The following TRARG1 variants were observed in gnomAD, a reference collection of about 807,000 sequenced individuals.
The protein encoded by TRARG1 is trafficking regulator of GLUT4 (SLC2A4) 1 (gene/pseudogene), also known as trafficking regulator of GLUT4 1.
A neutral mutation model predicts 13.3 loss-of-function variants in TRARG1; 16 were observed. The observed-to-expected ratio is 1.20, with a 90% CI of 0.81 to 1.83. The LOEUF (loss-of-function observed/expected upper bound fraction) is 1.83, where lower values mean the gene tolerates loss of function less well. Among genes scored for constraint, TRARG1 ranks in the 40% most tolerant of loss-of-function variants. The pLI, the probability that TRARG1 is intolerant of heterozygous loss-of-function variation, is 0.00. For synonymous variants in TRARG1, 113 were observed against 106.2 expected, an observed-to-expected ratio of 1.06 and a Z score of -0.39; for missense variants, 250 against 237.4, an observed-to-expected ratio of 1.05 and a Z score of -0.35.
Position 1,279,759 on chromosome 17 carries a change from G to T in TRARG1, c.-243G>T, listed in dbSNP as rs1269429573. 2.1e-6 allele frequency: 1 copy of T among 480,736 alleles called. No individual in the cohort carries two copies. The highest frequency in any genetic ancestry group is 3.7e-6 in the Non-Finnish European group (1 of 272,664). The allele number at this position is 480,736 out of a possible 1,614,324, so 29.8% of individuals were successfully genotyped here. A position where few individuals can be genotyped will look rare whatever the true frequency, so the allele number is the denominator to read the frequency against. On this transcript the variant is annotated 5_prime_UTR_variant, in exon 1 of 3. Coordinates refer to ENST00000333813, the MANE Select transcript of TRARG1 (RefSeq NM_172367.3). ...GTTGGCCTCAAACTTGAACAAAGCT[G>T]CAGGCTCCAGCGTCTTTCTGGGAGC...
intron 1 of TRARG1, among the ~76,000 whole-genome samples, chr17:1,287,462 G>A (rs991337271): frequency 2.6e-5 from 4 of 151,694 alleles, no homozygotes; most frequent in East Asian, 1.9e-4. Flanking sequence ...CCAGGTTCAC[G>A]CCATTCTCCT....
chr17:1,298,419 C>T lies in TRARG1; in HGVS notation c.*155C>T. 1 of 734,618 alleles carries T rather than the reference C, an allele frequency of 1.4e-6. No homozygotes were observed. The highest frequency in any genetic ancestry group is 2.2e-6 in the Non-Finnish European group (1 of 458,838). 45.5% of individuals were successfully genotyped at this position (734,618 alleles called of 1,614,324 possible). Reference sequence around the variant, plus strand: ...CAAAGGGAAACCCCCCAGTCACCCACTGTCAGCCCCCATCTGACAAGAAAG... The same window carrying T: ...CAAAGGGAAACCCCCCAGTCACCCATTGTCAGCCCCCATCTGACAAGAAAG... On this transcript the variant is annotated 3_prime_UTR_variant, in exon 3 of 3. Coordinates refer to ENST00000333813, the MANE Select transcript of TRARG1 (RefSeq NM_172367.3).
At chr17:1,288,309 G>A (rs1474194327) in intron 1 of TRARG1, among the ~76,000 whole-genome samples, 5 of 62,264 alleles carry the variant, frequency 8.0e-5, no homozygotes, top group East Asian at 5.4e-4. Context: ...CATCCCCCAC[G>A]GGTTCCCCAT....
rs2072145673 is a variant in TRARG1 at position 1,300,317 on chromosome 17, C to A, written c.*2053C>A. On this transcript the variant is annotated 3_prime_UTR_variant, in exon 3 of 3. Transcript: ENST00000333813. ...CAGCCTCAGCAACCCAGGGAGAGGA[C>A]AGAAACGAACCGATGGTTGAGGGAT... is the stretch of plus-strand genomic sequence containing the variant. The A allele has an allele frequency of 6.6e-6, 1 of 152,152 alleles. No homozygotes were observed. Among genetic ancestry groups the A allele is most frequent in the African/African-American group, 2.4e-5 (1 of 41,418 alleles). 9.4% of individuals were successfully genotyped at this position (152,152 alleles called of 1,614,324 possible). A position where few individuals can be genotyped will look rare whatever the true frequency, so the allele number is the denominator to read the frequency against.
chr17:1,284,122 A>AAAG (rs2072003948), intron 1 of TRARG1, among the ~76,000 whole-genome samples: 4 of 149,506 alleles, frequency 2.7e-5, no homozygotes, highest in Non-Finnish European at 3.0e-5. Context: ...CTCAAAAAAA[A>AAAG]AAAGAAAGAA....
chr17:1,295,879 G>A (rs1196998740), intron 2 of TRARG1, among the ~76,000 whole-genome samples: 4 of 152,336 alleles, frequency 2.6e-5, no homozygotes, highest in East Asian at 1.9e-4. Flanking sequence ...GCACAGCCTC[G>A]GAGTCAGAGG....
chr17:1,279,897 C>T lies in TRARG1; in HGVS notation c.-105C>T. On this transcript the variant is annotated 5_prime_UTR_variant, in exon 1 of 3. Transcript: ENST00000333813. ...CCGTCTCCTGAGGGACGCCCCTGCC[C>T]CCGACCTGGAGGCCCTCAGTCTGGG... 3 of 1,387,346 alleles carry T rather than the reference C, an allele frequency of 2.2e-6. No individual in the cohort carries two copies. The highest frequency in any genetic ancestry group is 1.9e-6 in the Non-Finnish European group (2 of 1,032,822). 85.9% of individuals were successfully genotyped at this position (1,387,346 alleles called of 1,614,324 possible).
intron 1 of TRARG1, among the ~76,000 whole-genome samples, chr17:1,294,218 G>A (rs1023220877): frequency 2.0e-5 from 3 of 151,950 alleles, no homozygotes; most frequent in South Asian, 2.1e-4. Context: ...AAGTCATCCC[G>A]GGACCCTCCT....
chr17:1,289,745 G>A (rs1369302416), intron 1 of TRARG1, among the ~76,000 whole-genome samples: 2 of 151,722 alleles, frequency 1.3e-5, no homozygotes, highest in Non-Finnish European at 2.9e-5. Flanking sequence ...GGCCTCAATT[G>A]CATCCCCGTG....
In TRARG1 at chr17:1,295,530, C is replaced by T. The variant is rs1411811214; in HGVS notation, c.427C>T (p.Arg143Trp). The change falls in exon 2 of 3, where the codon CGG (arginine) becomes TGG (tryptophan). Residue 143 changes from arginine (R) to tryptophan (W), a missense_variant. Physicochemically the swap from Arg to Trp is moderately radical, Grantham distance 101. Coordinates refer to ENST00000333813, the MANE Select transcript of TRARG1 (RefSeq NM_172367.3). ...GCAACAGGGCAACGTGGACGGCGCC[C>T]GGAGGCTGGGCCGCCTGGCTCGGCT... ...SMQQGNVDGA[R>W]RLGRLARLLS... 8.1e-6 allele frequency: 13 copies of T among 1,612,300 alleles called. No individual in the cohort carries two copies. Among genetic ancestry groups the T allele is most frequent in the East Asian group, 4.5e-5 (2 of 44,814 alleles).
intron 1 of TRARG1, among the ~76,000 whole-genome samples, chr17:1,284,399 T>G (rs1355506910): frequency 6.6e-6 from 1 of 152,156 alleles, no homozygotes; most frequent in Non-Finnish European, 1.5e-5. Flanking sequence ...TGTGGTTGGA[T>G]CTCCATTTTG....
rs546118624 is a variant in TRARG1, at chr17:1,283,908, T to C, written c.387+3520T>C. Among the ~76,000 whole-genome samples, 779 of 152,004 alleles carry C rather than the reference T, an allele frequency of 5.1e-3. 4 individuals carry two copies. The highest frequency in any genetic ancestry group is 0.017 in the African/African-American group (724 of 41,432). On this transcript the variant is annotated intron_variant, in intron 1 of 2. Coordinates refer to ENST00000333813, the MANE Select transcript of TRARG1 (RefSeq NM_172367.3). ...CGGGCAGATCACGAGGTCAGGAGAT[T>C]GACACCATCCTGGCTAACACGGTGA...
At chr17:1,286,892 G>T (rs1029569141) in intron 1 of TRARG1, among the ~76,000 whole-genome samples, 1 of 146,290 alleles carries the variant, frequency 6.8e-6, no homozygotes, top group Non-Finnish European at 1.5e-5. Flanking sequence ...AGCCGGGTGT[G>T]ATTTGCTCCA....
At chr17:1,291,120 G>A (rs2150810338) in intron 1 of TRARG1, among the ~76,000 whole-genome samples, 1 of 152,092 alleles carries the variant, frequency 6.6e-6, no homozygotes, top group African/African-American at 2.4e-5. Flanking sequence ...TGGTCAGGCT[G>A]GTCTCGAACT....
At chr17:1,287,613 A>G (rs4790297) in intron 1 of TRARG1, among the ~76,000 whole-genome samples, 116,671 of 151,568 alleles carry the variant, frequency 0.77, 45,495 homozygotes, top group African/African-American at 0.89. Flanking sequence ...CACCTGCCTC[A>G]GCCTCCCAAA....
At chr17:1,292,549 A>G (rs1009836262) in intron 1 of TRARG1, among the ~76,000 whole-genome samples, 2 of 152,106 alleles carry the variant, frequency 1.3e-5, no homozygotes, top group African/African-American at 4.8e-5. Flanking sequence ...ACCTCCGTCC[A>G]GTCCCTCCTA....
At position 1,282,471 on chromosome 17, in the gene TRARG1, A is replaced by G. The variant is rs1362352980; in HGVS notation, c.387+2083A>G. Among the ~76,000 whole-genome samples the G allele has an allele frequency of 3.6e-5, 5 of 139,722 alleles. No individual in the cohort carries two copies. In the Admixed American group the frequency reaches 3.6e-4, roughly 10 times the overall value. The allele number at this position is 139,722 out of a possible 152,430, so 91.7% of individuals were successfully genotyped here. Reference sequence around the variant, plus strand: ...CTGCAACCTCTGCCTCCCAGGTTCAAGCAGTTCTCTTGCCTCAGCCTCCTG... The same window carrying G: ...CTGCAACCTCTGCCTCCCAGGTTCAGGCAGTTCTCTTGCCTCAGCCTCCTG... On this transcript the variant is annotated intron_variant, in intron 1 of 2. Transcript: ENST00000333813.
Position 1,298,464 on chromosome 17 carries a change from G to T in TRARG1, c.*200G>T. 1.8e-6 allele frequency: 1 copy of T among 554,978 alleles called. No individual in the cohort carries two copies. Among genetic ancestry groups the T allele is most frequent in the Non-Finnish European group, 3.1e-6 (1 of 319,748 alleles). 34.4% of individuals were successfully genotyped at this position (554,978 alleles called of 1,614,324 possible). ...AGAAAGCCTGGAGCGAGGAAGGAAA[G>T]CACAGCGAACCCAATGGGTAACGTG... On this transcript the variant is annotated 3_prime_UTR_variant, in exon 3 of 3. Coordinates refer to ENST00000333813, the MANE Select transcript of TRARG1 (RefSeq NM_172367.3).
chr17:1,295,228 G>A (rs2072102312), intron 1 of TRARG1, among the ~76,000 whole-genome samples: 1 of 152,244 alleles, frequency 6.6e-6, no homozygotes, highest in African/African-American at 2.4e-5. Flanking sequence ...ACCGCCCTGA[G>A]AAGAAGTGCC....
Sources: allele counts gnomAD v4.1 joint callset (sites outside exome capture counted in the v4.1 genomes callset), GRCh38; gene constraint gnomAD v4.1.1; transcripts MANE v1.5; gene names NCBI Gene and HGNC (gene_info 2026-07-23, HGNC 2026-07-21).